Variants in DNAH11 observed in about 807,000 individuals in gnomAD.
The protein encoded by DNAH11 is axonemal beta dynein heavy chain 11.
A neutral mutation model predicts 526.0 loss-of-function variants in DNAH11; 442 were observed. That is an observed-to-expected ratio of 0.84 (90% CI 0.78 to 0.91). The LOEUF is 0.91. Ranked by LOEUF, DNAH11 falls within the 40% of genes least tolerant of loss-of-function variation. The pLI is 0.00. For missense variants in DNAH11, 6,989 were observed against 5,448.7 expected (o/e 1.28, Z -8.90); for synonymous variants, 2,461 against 1,935.9 (o/e 1.27, Z -7.12).
At chr7:21,736,027 T>G (rs769639291) in intron 46 of DNAH11, among the ~76,000 whole-genome samples, 183 bp downstream of exon 46, 1 of 152,250 alleles carries the variant, frequency 6.6e-6, no homozygotes, top group Non-Finnish European at 1.5e-5. Flanking sequence ...TGATTTTGGC[T>G]TTTTATGTCA....
At chr7:21,829,760 A>G (rs1189587648) in intron 65 of DNAH11, among the ~76,000 whole-genome samples, 2 of 152,246 alleles carry the variant, frequency 1.3e-5, no homozygotes, top group Non-Finnish European at 2.9e-5. Flanking sequence ...GATTTTAGAA[A>G]TAAGAATTTC....
chr7:21,570,399 T>G (rs956051425), intron 7 of DNAH11, 100 bp downstream of exon 7: 8 of 943,194 alleles, frequency 8.5e-6, no homozygotes, highest in Non-Finnish European at 1.1e-5. Context: ...ATATCATAGG[T>G]GGAGGTCTCC....
chr7:21,616,721 G>T (rs1372941477), intron 22 of DNAH11, among the ~76,000 whole-genome samples: 1 of 152,158 alleles, frequency 6.6e-6, no homozygotes, highest in Non-Finnish European at 1.5e-5. Flanking sequence ...GGAATACTAT[G>T]ATCTTTGTTC....
chr7:21,868,966 AAGG>A lies in DNAH11; in HGVS notation c.11947_11949del (p.Gly3983del). 1 of 1,614,002 alleles carries A rather than the reference AAGG, an allele frequency of 6.2e-7. No homozygotes were observed. Among genetic ancestry groups the A allele is most frequent in the Non-Finnish European group, 8.5e-7 (1 of 1,179,878 alleles). On this transcript the variant is annotated inframe_deletion, in exon 73 of 82. Coordinates refer to ENST00000409508, the MANE Select transcript of DNAH11 (RefSeq NM_001277115.2). ...GAAGTGGCCCTGGAGAAAGCTTCCA[AAGG>A]AGGACACTGGGTCATCCTCCAAGTG...
At chr7:21,575,839 C>T (rs1242644416) in intron 8 of DNAH11, among the ~76,000 whole-genome samples, 1 of 152,192 alleles carries the variant, frequency 6.6e-6, no homozygotes, top group Non-Finnish European at 1.5e-5. Flanking sequence ...TTATCCCTTA[C>T]TATATTTTGG....
chr7:21,866,485 G>T lies in DNAH11; in HGVS notation c.11512G>T (p.Glu3838Ter), dbSNP rs1308446808. The change falls in exon 71 of 82, where the codon GAA (glutamate) becomes TAA (stop). Residue 3838 changes from glutamate (E) to a stop codon, truncating the protein, a stop_gained. Coordinates refer to ENST00000409508, the MANE Select transcript of DNAH11 (RefSeq NM_001277115.2). LOFTEE classifies it high-confidence loss of function. ...CATATTACAGGCAATTGCCGTCATG[G>T]AAGAATTTCGAGGCATAGACCGAGA... is the stretch of plus-strand genomic sequence containing the variant. ...WSAIKAIAVM[E>*]EFRGIDRDVE... The T allele has an allele frequency of 3.1e-6, 5 of 1,610,868 alleles. No homozygotes were observed. Among genetic ancestry groups the T allele is most frequent in the Non-Finnish European group, 4.2e-6 (5 of 1,178,918 alleles).
chr7:21,876,006 C>G (rs926536645), intron 74 of DNAH11, among the ~76,000 whole-genome samples: 14 of 151,446 alleles, frequency 9.2e-5, no homozygotes, highest in Admixed American at 3.3e-4. Flanking sequence ...GCCTCAGCCT[C>G]CCGAGTAGCT....
In DNAH11 at chr7:21,798,351, C is replaced by T. The variant is rs187686569; in HGVS notation, c.10027-2786C>T. Among the ~76,000 whole-genome samples the T allele has an allele frequency of 1.6e-3, 241 of 152,328 alleles. 1 individual carries two copies. Among genetic ancestry groups the T allele is most frequent in the African/African-American group, 5.6e-3 (233 of 41,574 alleles). ...CCTCAGGTGATCCACCTGCCTCGGC[C>T]TCCCAAAGTGCTGGGATTACAGGCA... On this transcript the variant is annotated intron_variant, in intron 61 of 81. Transcript: ENST00000409508.
intron 63 of DNAH11, among the ~76,000 whole-genome samples, chr7:21,815,609 T>G (rs1789747809): frequency 6.6e-6 from 1 of 152,120 alleles, no homozygotes; most frequent in African/African-American, 2.4e-5. Flanking sequence ...GAGGCATGCT[T>G]CCATGTTAAC....
intron 68 of DNAH11, 98 bp from the exon 69 acceptor site, chr7:21,861,755 C>T: frequency 2.0e-6 from 3 of 1,471,594 alleles, no homozygotes; most frequent in South Asian, 2.6e-5. Flanking sequence ...ATTCTCACTC[C>T]CTATAGATAA....
chr7:21,649,857 G>C (rs146530197), intron 28 of DNAH11, among the ~76,000 whole-genome samples: 1 of 152,002 alleles, frequency 6.6e-6, no homozygotes, highest in South Asian at 2.1e-4. Context: ...GTAGAGATGG[G>C]GTTTTGCCTT....
Position 21,564,183 on chromosome 7 carries a change from C to T in DNAH11, c.983-3C>T. ...CACGTTAATGGTGGTTCTTTGCTTTCAGCTCTTCTCGAAGCCCAAGATGTG... is the reference window on the plus strand; with the variant it reads ...CACGTTAATGGTGGTTCTTTGCTTTTAGCTCTTCTCGAAGCCCAAGATGTG... On this transcript the variant is annotated splice_region_variant and splice_polypyrimidine_tract_variant and intron_variant, in intron 5 of 81. Transcript: ENST00000409508. 4.5e-6 allele frequency: 7 copies of T among 1,552,900 alleles called. No individual in the cohort carries two copies. Among genetic ancestry groups the T allele is most frequent in the Non-Finnish European group, 6.1e-6 (7 of 1,151,706 alleles).
chr7:21,858,364 A>C (rs1782933859), intron 68 of DNAH11, among the ~76,000 whole-genome samples: 5 of 152,216 alleles, frequency 3.3e-5, no homozygotes, highest in Admixed American at 3.3e-4. Context: ...TCACACTTTT[A>C]CTCCAGGCAT....
In DNAH11 at chr7:21,854,755, C is replaced by T. The variant is rs62445864; in HGVS notation, c.11202+300C>T. On this transcript the variant is annotated intron_variant, in intron 68 of 81. Coordinates refer to ENST00000409508, the MANE Select transcript of DNAH11 (RefSeq NM_001277115.2). ...ACAGGGTTTTGCCACATTGCCCAGGCTGGTCTCGAACTCCTGACCTCAAAT... is the reference window on the plus strand; with the variant it reads ...ACAGGGTTTTGCCACATTGCCCAGGTTGGTCTCGAACTCCTGACCTCAAAT... 0.032 allele frequency among the ~76,000 whole-genome samples: 4,904 copies of T among 151,792 alleles called. 91 individuals are homozygous for T. Among genetic ancestry groups the T allele is most frequent in the Non-Finnish European group, 0.048 (3,242 of 67,916 alleles).
At chr7:21,745,458 A>G (rs182950165) in intron 51 of DNAH11, among the ~76,000 whole-genome samples, 2 of 152,344 alleles carry the variant, frequency 1.3e-5, no homozygotes, top group Admixed American at 1.3e-4. Context: ...GGGAGGGCTC[A>G]TGCTTTCTTG....
intron 28 of DNAH11, among the ~76,000 whole-genome samples, chr7:21,646,888 T>C (rs1787378242): frequency 6.6e-6 from 1 of 152,186 alleles, no homozygotes; most frequent in South Asian, 2.1e-4. Context: ...AATATATTCA[T>C]TTTTAAGCAG....
intron 2 of DNAH11, among the ~76,000 whole-genome samples, chr7:21,555,246 A>G (rs1783170647): frequency 6.6e-6 from 1 of 152,232 alleles, no homozygotes; most frequent in African/African-American, 2.4e-5. Flanking sequence ...AGGCTTACGA[A>G]TGGGGTCTTT....
intron 41 of DNAH11, among the ~76,000 whole-genome samples, chr7:21,711,380 A>G (rs1784459028): frequency 6.6e-6 from 1 of 152,214 alleles, no homozygotes; most frequent in Admixed American, 6.5e-5. Context: ...ACAATTGATA[A>G]TTGTGGTATT....
chr7:21,778,675 T>C (rs1787791477), intron 56 of DNAH11, among the ~76,000 whole-genome samples: 1 of 152,144 alleles, frequency 6.6e-6, no homozygotes, highest in Admixed American at 6.5e-5. Flanking sequence ...GAGCATGTGG[T>C]CAGACAGAGG....
Sources: allele counts gnomAD v4.1 joint callset (sites outside exome capture counted in the v4.1 genomes callset), GRCh38; gene constraint gnomAD v4.1.1; transcripts MANE v1.5; gene names NCBI Gene and HGNC (gene_info 2026-07-23, HGNC 2026-07-21).